Variants in TSHZ3 observed in about 807,000 individuals in gnomAD.
TSHZ3 encodes the protein teashirt zinc finger homeobox 3.
In TSHZ3, 10 loss-of-function variants were observed where a neutral mutation model predicts 64.5. The observed-to-expected ratio is 0.16, with a 90% CI of 0.10 to 0.26. The LOEUF is 0.26. Ranked by LOEUF, TSHZ3 falls within the 10% of genes least tolerant of loss-of-function variation. The pLI, the probability that TSHZ3 is intolerant of heterozygous loss-of-function variation, is 1.00. For synonymous variants in TSHZ3, 608 were observed against 593.1 expected, an observed-to-expected ratio of 1.03 and a Z score of -0.36; for missense variants, 1,242 against 1,421.7, an observed-to-expected ratio of 0.87 and a Z score of 2.03.
At chr19:31,288,019 C>T (rs1035745007) in intron 1 of TSHZ3, among the ~76,000 whole-genome samples, 4 of 152,158 alleles carry the variant, frequency 2.6e-5, no homozygotes, top group Admixed American at 2.0e-4. Context: ...ACTGCAGCCC[C>T]GAACTCCTGG....
intron 5 of TSHZ3, among the ~76,000 whole-genome samples, chr19:31,191,548 C>T (rs1974906112): frequency 6.6e-6 from 1 of 152,076 alleles, no homozygotes; most frequent in Non-Finnish European, 1.5e-5. Context: ...TACACTTAGT[C>T]CACATGACAG....
chr19:31,154,302 C>T (rs1006903986), intron 6 of TSHZ3, among the ~76,000 whole-genome samples: 10 of 152,212 alleles, frequency 6.6e-5, no homozygotes, highest in Non-Finnish European at 2.9e-5. Flanking sequence ...AGCAAGTCCA[C>T]ACATAATCTT....
At position 31,279,649 on chromosome 19, in the gene TSHZ3, C is replaced by T. The variant is rs761919940; in HGVS notation, c.144G>A (p.Pro48=). ...GGCAGGCCCTGGCGAGCTCCTTCTC[C>T]GGGCACATGTACTTGGCCGAGGGCT... is the stretch of plus-strand genomic sequence containing the variant. The part of the protein sequence containing the change: ...DGEPSAKYMC[P]EKELARACPS... Residue 48 remains proline (P), a synonymous_variant, in exon 2 of 2, where the codon CCG becomes CCA. Coordinates refer to ENST00000240587, the MANE Select transcript of TSHZ3 (RefSeq NM_020856.4). This position sits in a 1 kb window ranked among gnomAD's most constrained non-coding sequence, Gnocchi z 6.4. 18 of 1,609,244 alleles carry T rather than the reference C, an allele frequency of 1.1e-5. No homozygotes were observed. The highest frequency in any genetic ancestry group is 3.3e-5 in the South Asian group (3 of 90,304).
chr19:31,182,057 G>C (rs1411750179), intron 5 of TSHZ3, among the ~76,000 whole-genome samples: 2 of 152,148 alleles, frequency 1.3e-5, no homozygotes, highest in Non-Finnish European at 2.9e-5. Context: ...TATGGATTGA[G>C]GCATCCTGAG....
intron 1 of TSHZ3, among the ~76,000 whole-genome samples, chr19:31,333,300 G>A (rs1018097039): frequency 1.3e-5 from 2 of 152,012 alleles, no homozygotes; most frequent in African/African-American, 4.8e-5. Context: ...CAACTCAGGA[G>A]GTTATGACCA....
In TSHZ3 at chr19:31,278,172, T is replaced by G; in HGVS notation, c.1621A>C (p.Thr541Pro). 6.2e-7 allele frequency: 1 copy of G among 1,614,078 alleles called. No individual in the cohort carries two copies. The highest frequency in any genetic ancestry group is 1.1e-5 in the South Asian group (1 of 91,074). Reference protein sequence around the residue: ...TSAINKAQNGTPSWGGYPSIH... With the variant: ...TSAINKAQNGPPSWGGYPSIH... ...CTGGGATAGCCCCCCCAGCTAGGAG[T>G]GCCGTTCTGGGCCTTGTTGATTGCG... The change falls in exon 2 of 2, where the codon ACT becomes CCT. Residue 541 changes from threonine to proline, a missense_variant. Coordinates refer to ENST00000240587, the MANE Select transcript of TSHZ3 (RefSeq NM_020856.4). This position sits in a 1 kb window ranked among gnomAD's most constrained non-coding sequence, Gnocchi z 4.7.
chr19:31,281,378 A>G (rs1441629161), intron 1 of TSHZ3, among the ~76,000 whole-genome samples: 2 of 152,174 alleles, frequency 1.3e-5, no homozygotes, highest in Admixed American at 6.5e-5. Context: ...GCCAAGACAC[A>G]TGGAATCCCA....
chr19:31,312,379 G>T (rs1916482568), intron 1 of TSHZ3, among the ~76,000 whole-genome samples: 2 of 152,174 alleles, frequency 1.3e-5, no homozygotes, highest in South Asian at 4.1e-4. Flanking sequence ...AAAATGTAAA[G>T]TTCAGATCCT....
chr19:31,244,237 C>G (rs1004718012), intron 1 of TSHZ3, among the ~76,000 whole-genome samples: 2 of 152,042 alleles, frequency 1.3e-5, no homozygotes, highest in Non-Finnish European at 2.9e-5. Flanking sequence ...CCATGCTGCT[C>G]TCTTGATAGT....
intron 5 of TSHZ3, among the ~76,000 whole-genome samples, chr19:31,184,669 A>G (rs1974774999): frequency 6.6e-6 from 1 of 152,236 alleles, no homozygotes; most frequent in Non-Finnish European, 1.5e-5. Flanking sequence ...AGTAAGTGAC[A>G]GAATTAACAG....
intron 1 of TSHZ3, among the ~76,000 whole-genome samples, chr19:31,256,331 C>T (rs1368274559): frequency 6.6e-6 from 1 of 152,126 alleles, no homozygotes; most frequent in Non-Finnish European, 1.5e-5. Flanking sequence ...GCCTGCCGCC[C>T]AGCCCCATCA....
chr19:31,325,311 A>G (rs981786028), intron 1 of TSHZ3, among the ~76,000 whole-genome samples: 4 of 152,198 alleles, frequency 2.6e-5, no homozygotes, highest in African/African-American at 9.7e-5. Context: ...CGTCCATCCA[A>G]TGAGGCTGTC....
chr19:31,333,343 A>G (rs1193262812), intron 1 of TSHZ3, among the ~76,000 whole-genome samples: 1 of 152,004 alleles, frequency 6.6e-6, no homozygotes, highest in African/African-American at 2.4e-5. Flanking sequence ...GGTGAAAATC[A>G]GCTCCATTCC....
chr19:31,251,633 A>G (rs1228696295), intron 1 of TSHZ3, among the ~76,000 whole-genome samples: 3 of 152,154 alleles, frequency 2.0e-5, no homozygotes, highest in African/African-American at 7.2e-5. Context: ...CTGCCGTGAT[A>G]TGGGTTCCTG....
chr19:31,257,070 CG>C (rs1473596499), intron 1 of TSHZ3, among the ~76,000 whole-genome samples: 1 of 151,870 alleles, frequency 6.6e-6, no homozygotes, highest in East Asian at 1.9e-4. Context: ...TGCTCCAGGG[CG>C]GGTGCTCCAG....
chr19:31,321,837 C>CT (rs1012386264), intron 1 of TSHZ3, among the ~76,000 whole-genome samples: 222 of 150,632 alleles, frequency 1.5e-3, no homozygotes, highest in African/African-American at 5.2e-3. Context: ...TTTTCTTTTT[C>CT]TTTTTTTTTA....
intron 1 of TSHZ3, among the ~76,000 whole-genome samples, chr19:31,246,930 C>T (rs1358295212): frequency 1.3e-5 from 2 of 152,052 alleles, no homozygotes. Flanking sequence ...GAGACTCCCA[C>T]TGGCCAAATA....
At chr19:31,318,660 C>A (rs557034472) in intron 1 of TSHZ3, among the ~76,000 whole-genome samples, 35 of 152,074 alleles carry the variant, frequency 2.3e-4, no homozygotes, top group African/African-American at 6.5e-4. Flanking sequence ...ACAAAAAAAA[C>A]CACTTTCTAA....
intron 5 of TSHZ3, among the ~76,000 whole-genome samples, chr19:31,170,947 T>G (rs533738418): frequency 1.3e-5 from 2 of 152,314 alleles, no homozygotes; most frequent in Admixed American, 6.5e-5. Flanking sequence ...AAAAGAAGAA[T>G]GATGTCTTTT....
Sources: allele counts gnomAD v4.1 joint callset (sites outside exome capture counted in the v4.1 genomes callset), GRCh38; gene constraint gnomAD v4.1.1; non-coding constraint Gnocchi (gnomAD v3.1); transcripts MANE v1.5; gene names NCBI Gene and HGNC (gene_info 2026-07-23, HGNC 2026-07-21).